Variants in PARD3B observed in about 807,000 individuals in gnomAD.
PARD3B encodes partitioning defective 3 homolog B.
A neutral mutation model predicts 130.2 loss-of-function variants in PARD3B; 103 were observed. The observed-to-expected ratio is 0.79, with a 90% CI of 0.67 to 0.93. The LOEUF is 0.93. PARD3B is among the 40% of genes least tolerant of loss of function. PARD3B has a pLI of 0.00. For missense variants in PARD3B, 1,609 were observed against 1,499.2 expected, an observed-to-expected ratio of 1.07 and a Z score of -1.21; for synonymous variants, 583 against 553.2, an observed-to-expected ratio of 1.05 and a Z score of -0.76.
intron 5 of PARD3B, among the ~76,000 whole-genome samples, chr2:205,112,138 G>C (rs989706696): frequency 6.6e-6 from 1 of 151,848 alleles, no homozygotes; most frequent in Non-Finnish European, 1.5e-5. Context: ...CCAAGCCTCT[G>C]ACATAAGCTG....
chr2:205,561,260 A>G (rs1260328761), intron 22 of PARD3B, among the ~76,000 whole-genome samples: 1 of 152,056 alleles, frequency 6.6e-6, no homozygotes, highest in African/African-American at 2.4e-5. Context: ...GCACTATTTT[A>G]TTGTGCTCAC....
chr2:204,974,541 G>T (rs1187105400), intron 3 of PARD3B, among the ~76,000 whole-genome samples: 2 of 152,182 alleles, frequency 1.3e-5, no homozygotes, highest in African/African-American at 4.8e-5. Flanking sequence ...ATGGCCTTGT[G>T]TCATTTGGTT....
chr2:204,660,748 T>A (rs1337409724), intron 1 of PARD3B, among the ~76,000 whole-genome samples: 1 of 152,222 alleles, frequency 6.6e-6, no homozygotes, highest in Non-Finnish European at 1.5e-5. Context: ...GTTTTTCATT[T>A]CCTTTTAGGA....
At chr2:205,507,509 C>T (rs1045987861) in intron 21 of PARD3B, among the ~76,000 whole-genome samples, 9 of 152,080 alleles carry the variant, frequency 5.9e-5, no homozygotes, top group African/African-American at 1.9e-4. Flanking sequence ...CCACCGCACC[C>T]GGCCACAATA....
At chr2:204,876,638 C>T (rs755994014) in intron 2 of PARD3B, among the ~76,000 whole-genome samples, 6 of 152,138 alleles carry the variant, frequency 3.9e-5, no homozygotes, top group Non-Finnish European at 7.3e-5. Context: ...TGCTCCATCA[C>T]GTTCATATAG....
intron 2 of PARD3B, among the ~76,000 whole-genome samples, chr2:204,778,499 A>G (rs914574017): frequency 6.6e-6 from 1 of 152,196 alleles, no homozygotes; most frequent in African/African-American, 2.4e-5. Context: ...AAATAATTTC[A>G]GGTAGAGTGT....
intron 19 of PARD3B, among the ~76,000 whole-genome samples, chr2:205,412,292 G>C (rs1426816558): frequency 6.6e-6 from 1 of 152,154 alleles, no homozygotes; most frequent in Non-Finnish European, 1.5e-5. Flanking sequence ...TAGAGAGGCT[G>C]AAGTGGTTTG....
intron 19 of PARD3B, among the ~76,000 whole-genome samples, chr2:205,438,368 C>G (rs1338016594): frequency 6.6e-6 from 1 of 152,106 alleles, no homozygotes; most frequent in Non-Finnish European, 1.5e-5. Flanking sequence ...TAGTATTTTC[C>G]TCTTCCATTA....
intron 21 of PARD3B, among the ~76,000 whole-genome samples, chr2:205,518,448 C>G (rs1004438529): frequency 6.6e-6 from 1 of 152,060 alleles, no homozygotes; most frequent in African/African-American, 2.4e-5. Flanking sequence ...TTTCCTCTGT[C>G]CCTTTATTTT....
Position 205,325,609 on chromosome 2 carries a change from G to A in PARD3B, c.2630+23908G>A, listed in dbSNP as rs1302655297. ...AGTGGCGTGATCATAACTCACTGTA[G>A]CCTCAGACCCCAGGGCTAAGTGATC... On this transcript the variant is annotated intron_variant, in intron 18 of 22. Coordinates refer to ENST00000406610, the MANE Select transcript of PARD3B (RefSeq NM_001302769.2). This position sits in a 1 kb window ranked among gnomAD's most constrained non-coding sequence, Gnocchi z 4.1. 6.6e-6 allele frequency among the ~76,000 whole-genome samples: 1 copy of A among 152,018 alleles called. No individual in the cohort carries two copies. Among genetic ancestry groups the A allele is most frequent in the Non-Finnish European group, 1.5e-5 (1 of 68,012 alleles).
rs911166983 is a variant in PARD3B, at chr2:205,488,361, C to T, written c.3045-11535C>T. 3.9e-5 allele frequency among the ~76,000 whole-genome samples: 6 copies of T among 152,156 alleles called. No homozygotes were observed. In the South Asian group the frequency reaches 6.2e-4, roughly 16 times the overall value. On this transcript the variant is annotated intron_variant, in intron 20 of 22. Coordinates refer to ENST00000406610, the MANE Select transcript of PARD3B (RefSeq NM_001302769.2). ...TGCATGCGTGGTTCACCATAGGGTT[C>T]GTGCTCCTATAAGAATCTAATGCAG...
intron 2 of PARD3B, among the ~76,000 whole-genome samples, chr2:204,727,376 T>A (rs769594204): frequency 2.0e-4 from 31 of 152,314 alleles, no homozygotes; most frequent in Middle Eastern, 3.4e-3. Flanking sequence ...GTCAGCTATA[T>A]AGGAGACTAC....
chr2:204,753,465 C>T (rs1046270524), intron 2 of PARD3B, among the ~76,000 whole-genome samples: 6 of 152,066 alleles, frequency 3.9e-5, no homozygotes, highest in African/African-American at 7.2e-5. Context: ...CCATTCTATA[C>T]TGGCTTGTCT....
At chr2:204,603,604 T>C (rs997451523) in intron 1 of PARD3B, among the ~76,000 whole-genome samples, 3 of 152,142 alleles carry the variant, frequency 2.0e-5, no homozygotes, top group Non-Finnish European at 4.4e-5. Context: ...CTTATAATCA[T>C]TTGTTACAAA....
rs184616319 is a variant in PARD3B, at chr2:204,988,699, T to C, written c.394+23376T>C. On this transcript the variant is annotated intron_variant, in intron 3 of 22. Transcript: ENST00000406610. ...TGCATGACAGAAAAAGAGAACTTTG[T>C]TCAAAAATTTTAGATTTGGAAATTG... Among the ~76,000 whole-genome samples the C allele has an allele frequency of 7.6e-3, 1,153 of 152,300 alleles. 10 individuals are homozygous for C. Among genetic ancestry groups the C allele is most frequent in the Non-Finnish European group, 0.011 (765 of 68,018 alleles).
At chr2:205,566,272 G>T (rs1417181011) in intron 22 of PARD3B, among the ~76,000 whole-genome samples, 1 of 152,216 alleles carries the variant, frequency 6.6e-6, no homozygotes, top group East Asian at 1.9e-4. Context: ...CAGAATGTTT[G>T]TCTAGCTGCA....
chr2:204,714,573 CAAAG>C (rs2038627747), intron 2 of PARD3B, among the ~76,000 whole-genome samples: 1 of 152,112 alleles, frequency 6.6e-6, no homozygotes, highest in Non-Finnish European at 1.5e-5. Flanking sequence ...TTCCTTTCCA[CAAAG>C]AAAGAAGGAG....
intron 3 of PARD3B, among the ~76,000 whole-genome samples, chr2:205,036,763 G>A (rs982503093): frequency 1.1e-4 from 15 of 140,926 alleles, no homozygotes; most frequent in East Asian, 4.3e-4. Context: ...ACAGCGGACT[G>A]TATGTACAAA....
intron 18 of PARD3B, among the ~76,000 whole-genome samples, chr2:205,335,791 T>C (rs1475246742): frequency 2.0e-5 from 3 of 152,116 alleles, no homozygotes; most frequent in African/African-American, 7.2e-5. Flanking sequence ...CTCCTGTTTT[T>C]AAAACCATCA....
Sources: gnomAD v4.1 joint callset for allele counts (sites outside exome capture counted in the v4.1 genomes callset) on GRCh38, gnomAD v4.1.1 for gene constraint, Gnocchi (gnomAD v3.1) non-coding constraint, MANE v1.5 for transcripts, NCBI Gene and HGNC (gene_info 2026-07-23, HGNC 2026-07-21) for gene names.